Variants in NOSTRIN observed in about 807,000 individuals in gnomAD.
NOSTRIN encodes nitric oxide synthase trafficking, also known as BM247 homolog.
NOSTRIN carries 63 observed loss-of-function variants against 59.0 expected under a neutral mutation model. That is an observed-to-expected ratio of 1.07 (90% CI 0.87 to 1.32). The LOEUF (loss-of-function observed/expected upper bound fraction) is 1.32. Ranked by LOEUF, NOSTRIN falls within the 40% of genes most tolerant of loss-of-function variation. The pLI, the probability that NOSTRIN is intolerant of heterozygous loss-of-function variation, is 0.00. For missense variants in NOSTRIN, 512 were observed against 473.1 expected (o/e 1.08, Z -0.76); for synonymous variants, 200 against 165.4 (o/e 1.21, Z -1.61).
At chr2:168,837,349 G>A (rs1313550283) in intron 7 of NOSTRIN, among the ~76,000 whole-genome samples, 8 of 108,742 alleles carry the variant, frequency 7.4e-5, no homozygotes, top group Admixed American at 2.8e-4. Context: ...TTGCTGTGTC[G>A]CCCAGGCTGG....
chr2:168,798,022 A>G (rs1385928690), upstream of NOSTRIN: 1 of 152,202 alleles, frequency 6.6e-6, no homozygotes, highest in Non-Finnish European at 1.5e-5. Context: ...ACCTACACAC[A>G]TCCTCCCATG....
intron 7 of NOSTRIN, among the ~76,000 whole-genome samples, chr2:168,841,268 A>G (rs1481093973): frequency 1.5e-5 from 2 of 131,702 alleles, no homozygotes; most frequent in Non-Finnish European, 3.2e-5. Flanking sequence ...AAAAGAAAAG[A>G]AAAAGAAAGA....
chr2:168,850,563 T>C (rs2105752180), intron 8 of NOSTRIN, among the ~76,000 whole-genome samples: 1 of 152,330 alleles, frequency 6.6e-6, no homozygotes, highest in Admixed American at 6.5e-5. Context: ...GGATATGGGC[T>C]TTCCTGGGCT....
chr2:168,800,558 A>T (rs1369050594), upstream of NOSTRIN, among the ~76,000 whole-genome samples: 2 of 152,154 alleles, frequency 1.3e-5, no homozygotes, highest in Non-Finnish European at 2.9e-5. Flanking sequence ...AGGGAAAGCT[A>T]GTCAGCCCAC....
rs1219606607 is a variant in NOSTRIN, at chr2:168,802,666, A to C, written c.20A>C (p.Asp7Ala). The change falls in exon 1 of 16, where the codon GAT becomes GCT. Residue 7 changes from aspartate (D) to alanine (A), a missense_variant. Transcript: ENST00000317647. MRDPLT[D>A]CPYNKVYKNL... ...TTCAACATGAGGGACCCACTGACAGATTGTCCGGTGAGTAGCTCAGTGTGG... is the reference window on the plus strand; with the variant it reads ...TTCAACATGAGGGACCCACTGACAGCTTGTCCGGTGAGTAGCTCAGTGTGG... 2 of 869,656 alleles carry C rather than the reference A, an allele frequency of 2.3e-6. No homozygotes were observed. The highest frequency in any genetic ancestry group is 3.3e-5 in the African/African-American group (2 of 61,288). 53.9% of individuals were successfully genotyped at this position (869,656 alleles called of 1,614,324 possible).
upstream of NOSTRIN, among the ~76,000 whole-genome samples, chr2:168,797,583 A>G (rs1171832480): frequency 6.6e-6 from 1 of 152,226 alleles, no homozygotes; most frequent in African/African-American, 2.4e-5. Context: ...GGGACAGCAT[A>G]AGCAAAATCC....
intron 12 of NOSTRIN, among the ~76,000 whole-genome samples, chr2:168,858,608 A>C (rs1339630688): frequency 6.6e-6 from 1 of 152,244 alleles, no homozygotes; most frequent in Non-Finnish European, 1.5e-5. Flanking sequence ...GAGACTATCA[A>C]GTGAAGGTCT....
chr2:168,799,642 G>T (rs2105509290), upstream of NOSTRIN, among the ~76,000 whole-genome samples: 1 of 152,268 alleles, frequency 6.6e-6, no homozygotes, highest in South Asian at 2.1e-4. Context: ...GGTCAGAGGA[G>T]AGAACAGCCC....
upstream of NOSTRIN, among the ~76,000 whole-genome samples, chr2:168,795,026 G>GA (rs1485006247): frequency 5.3e-5 from 8 of 152,186 alleles, no homozygotes; most frequent in Non-Finnish European, 7.4e-5. Context: ...GCTGTCACAG[G>GA]AAAAAATCAC....
intron 15 of NOSTRIN, chr2:168,863,584 T>C: frequency 1.0e-6 from 1 of 985,136 alleles, no homozygotes; most frequent in Non-Finnish European, 1.2e-6. Context: ...AAATATTGTC[T>C]CCAAATTGAT....
In NOSTRIN at chr2:168,811,550, T is replaced by C. The variant is rs1229837375; in HGVS notation, c.28-17T>C. On this transcript the variant is annotated splice_polypyrimidine_tract_variant and intron_variant, in intron 1 of 15. Transcript: ENST00000317647. ...CTTCCTGTTCATTGTTTTTTTGTTA[T>C]TGTTCTTGTTTTTCAGTATAATAAA... 3.8e-6 allele frequency: 3 copies of C among 789,694 alleles called. No homozygotes were observed. Among genetic ancestry groups the C allele is most frequent in the South Asian group, 1.5e-5 (1 of 64,578 alleles). 48.9% of individuals were successfully genotyped at this position (789,694 alleles called of 1,614,324 possible).
In NOSTRIN at chr2:168,862,066, A is replaced by G. The variant is rs552601841; in HGVS notation, c.1384+17A>G. 4 of 1,604,620 alleles carry G rather than the reference A, an allele frequency of 2.5e-6. No homozygotes were observed. The Admixed American group carries it at 5.0e-5, about 20-fold the overall frequency. ...TGGAAAAGGGTAAGAATCATTCTCA[A>G]ATATTTTAATTGCCTTCCCATATTG... On this transcript the variant is annotated intron_variant, in intron 15 of 15. Transcript: ENST00000317647.
rs757531792 is a variant in NOSTRIN, at chr2:168,815,541, T to G, written c.113+3889T>G. On this transcript the variant is annotated intron_variant, in intron 2 of 15. Coordinates refer to ENST00000317647, the MANE Select transcript of NOSTRIN (RefSeq NM_001039724.4). Reference sequence around the variant, plus strand: ...TGCCAAGAACTGCTGCTCTGGACATTAAAAAGAAAAGAATAAAAGAAGGAG... The same window carrying G: ...TGCCAAGAACTGCTGCTCTGGACATGAAAAAGAAAAGAATAAAAGAAGGAG... 3.3e-5 allele frequency among the ~76,000 whole-genome samples: 5 copies of G among 152,244 alleles called. No homozygotes were observed. The South Asian group carries it at 6.2e-4, about 19-fold the overall frequency.
chr2:168,789,983 T>C (rs1411736318), intron 2 of NOSTRIN, among the ~76,000 whole-genome samples: 2 of 152,212 alleles, frequency 1.3e-5, no homozygotes, highest in African/African-American at 4.8e-5. Context: ...CCGCTGGTTT[T>C]TAGTCAGGCC....
chr2:168,818,339 T>G (rs1394717485), intron 2 of NOSTRIN: 1 of 270,316 alleles, frequency 3.7e-6, no homozygotes, highest in Admixed American at 3.9e-5. Flanking sequence ...AAATTTTTTG[T>G]AGAAATGGGA....
intron 2 of NOSTRIN, among the ~76,000 whole-genome samples, chr2:168,818,587 C>T (rs949551703): frequency 7.2e-5 from 11 of 152,200 alleles, no homozygotes; most frequent in Non-Finnish European, 5.9e-5. Context: ...CATATTCTTA[C>T]ATTTTAATTA....
At chr2:168,856,486 A>G (rs1689124293) in intron 11 of NOSTRIN, 1 of 554,614 alleles carries the variant, frequency 1.8e-6, no homozygotes, top group Admixed American at 3.1e-5. Context: ...GAGGGAGGAG[A>G]ATTGTTTGAA....
At chr2:168,839,172 C>T (rs1237323192) in intron 7 of NOSTRIN, among the ~76,000 whole-genome samples, 1 of 152,134 alleles carries the variant, frequency 6.6e-6, no homozygotes, top group East Asian at 1.9e-4. Context: ...CATTCTCCGT[C>T]GTAAGCTGTG....
At chr2:168,826,354 A>G (rs374587949) in intron 3 of NOSTRIN, among the ~76,000 whole-genome samples, 5 of 152,172 alleles carry the variant, frequency 3.3e-5, no homozygotes, top group Admixed American at 3.3e-4. Context: ...GAGAATTTTT[A>G]TCCATACCGA....
Sources: gnomAD v4.1 joint callset for allele counts (sites outside exome capture counted in the v4.1 genomes callset) on GRCh38, gnomAD v4.1.1 for gene constraint, MANE v1.5 for transcripts, NCBI Gene and HGNC (gene_info 2026-07-23, HGNC 2026-07-21) for gene names.